The following RAD17 variants were observed in gnomAD, a reference collection of about 807,000 sequenced individuals.
RAD17 encodes cell cycle checkpoint protein RAD17.
In RAD17, 31 loss-of-function variants were observed where a neutral mutation model predicts 81.5. The ratio of observed to expected loss-of-function variants is 0.38; its 90% confidence interval spans 0.29 to 0.51. The LOEUF is 0.51. RAD17 is among the 20% of genes least tolerant of loss of function. The pLI is 0.88. For missense variants in RAD17, 681 were observed against 781.2 expected (o/e 0.87, Z 1.53); for synonymous variants, 261 against 266.2 (o/e 0.98, Z 0.19).
intron 3 of RAD17, among the ~76,000 whole-genome samples, chr5:69,371,779 A>G (rs1199187022): frequency 2.0e-5 from 3 of 152,202 alleles, no homozygotes; most frequent in African/African-American, 7.2e-5. Context: ...ACAAAGGCTG[A>G]AAACATTTGA....
chr5:69,410,719 A>G (rs1169974401), intron 18 of RAD17, among the ~76,000 whole-genome samples, 169 bp downstream of exon 18: 3 of 152,002 alleles, frequency 2.0e-5, no homozygotes, highest in Admixed American at 6.6e-5. Context: ...ATATAACAGC[A>G]TATCTTCACC....
intron 6 of RAD17, among the ~76,000 whole-genome samples, chr5:69,377,586 C>T (rs13177254): frequency 3.6e-4 from 2 of 5,514 alleles, no homozygotes; most frequent in Non-Finnish European, 6.8e-4. Flanking sequence ...TATATGTATA[C>T]ATATATATAT....
chr5:69,384,996 G>A, intron 8 of RAD17, 63 bp downstream of exon 8: 5 of 1,367,298 alleles, frequency 3.7e-6, no homozygotes, highest in Non-Finnish European at 4.8e-6. Context: ...CTGTGTCACT[G>A]TCACCCAGGC....
chr5:69,374,430 C>T (rs1763212555), intron 5 of RAD17, among the ~76,000 whole-genome samples, 198 bp from the exon 6 acceptor site: 1 of 152,108 alleles, frequency 6.6e-6, no homozygotes, highest in Non-Finnish European at 1.5e-5. Flanking sequence ...AATTATCATA[C>T]AGAGGTATCA....
At chr5:69,369,446 C>G, upstream of RAD17, 2 of 1,609,804 alleles carry the variant, frequency 1.2e-6, no homozygotes, top group East Asian at 2.2e-5. Context: ...CAGTCCCTCC[C>G]GGCCGCGCGC....
chr5:69,393,850 C>T (rs1014230765), intron 15 of RAD17, among the ~76,000 whole-genome samples: 10 of 148,440 alleles, frequency 6.7e-5, no homozygotes, highest in Non-Finnish European at 1.5e-4. Context: ...GGATTACAAG[C>T]GTGAGCCACC....
chr5:69,412,862 G>T (rs777234573), intron 18 of RAD17, among the ~76,000 whole-genome samples: 4 of 151,236 alleles, frequency 2.6e-5, no homozygotes, highest in African/African-American at 9.7e-5. Context: ...GGTGGTGCCC[G>T]CGTGTAATCC....
At chr5:69,410,441 T>G in intron 17 of RAD17, 52 bp from the exon 18 acceptor site, 1 of 1,434,646 alleles carries the variant, frequency 7.0e-7, no homozygotes, top group Non-Finnish European at 9.8e-7. Context: ...TATTGGCCAT[T>G]TGTATATTTT....
rs180831448 is a variant in RAD17 at position 69,389,727 on chromosome 5, G to A, written c.1006+582G>A. On this transcript the variant is annotated intron_variant, in intron 12 of 18. Coordinates refer to ENST00000354868, the MANE Select transcript of RAD17 (RefSeq NM_133338.3). ...ATGATCTTGGCTCACTGCAAGCTCCGCCTCCCAGGTTCACAGCATTCTCCT... is the reference window on the plus strand; with the variant it reads ...ATGATCTTGGCTCACTGCAAGCTCCACCTCCCAGGTTCACAGCATTCTCCT... Among the ~76,000 whole-genome samples, 486 of 152,232 alleles carry A rather than the reference G, an allele frequency of 3.2e-3. 3 individuals are homozygous for A. Among genetic ancestry groups the A allele is most frequent in the African/African-American group, 0.011 (453 of 41,528 alleles).
At chr5:69,391,204 T>C (rs1764533625) in intron 12 of RAD17, among the ~76,000 whole-genome samples, 2 of 145,790 alleles carry the variant, frequency 1.4e-5, no homozygotes, top group Non-Finnish European at 3.0e-5. Context: ...CACTCCAGCC[T>C]GGGCAACAGA....
rs757464348 is a variant in RAD17, at chr5:69,371,132, A to G, written c.-319A>G. The stretch of plus-strand genomic sequence containing the variant: ...AGGAAAACTTTAATTTTCAGTATAA[A>G]AATTGCTCAAATAGAATTGCCTGAT... On this transcript the variant is annotated 5_prime_UTR_variant, in exon 2 of 19. Transcript: ENST00000354868. 2.1e-6 allele frequency: 1 copy of G among 486,370 alleles called. No homozygotes were observed. The highest frequency in any genetic ancestry group is 1.6e-5 in the South Asian group (1 of 63,884). The allele number at this position is 486,370 out of a possible 1,614,324, so 30.1% of individuals were successfully genotyped here. A position where few individuals can be genotyped will look rare whatever the true frequency, so the allele number is the denominator to read the frequency against.
At chr5:69,405,233 G>A (rs1431519092) in intron 17 of RAD17, among the ~76,000 whole-genome samples, 2 of 152,268 alleles carry the variant, frequency 1.3e-5, no homozygotes, top group Admixed American at 1.3e-4. Flanking sequence ...GCCGGGCGCA[G>A]TGGCTCACGC....
At chr5:69,383,610 C>T (rs1390762863) in intron 7 of RAD17, among the ~76,000 whole-genome samples, 1 of 151,770 alleles carries the variant, frequency 6.6e-6, no homozygotes. Flanking sequence ...GAACCCCTGA[C>T]CTCAGGTGAT....
At chr5:69,388,454 A>G (rs1764349892) in intron 11 of RAD17, among the ~76,000 whole-genome samples, 1 of 152,340 alleles carries the variant, frequency 6.6e-6, no homozygotes, top group Middle Eastern at 3.4e-3. Context: ...AGTGAGAAAG[A>G]GTAAAAACTT....
rs955056174 is a variant in RAD17 at position 69,406,986 on chromosome 5, CTGTT to C, written c.1694-3503_1694-3500del. Among the ~76,000 whole-genome samples the C allele has an allele frequency of 2.0e-5, 3 of 146,718 alleles. No homozygotes were observed. In the Admixed American group the frequency reaches 2.1e-4, roughly 10 times the overall value. On this transcript the variant is annotated intron_variant, in intron 17 of 18. Coordinates refer to ENST00000354868, the MANE Select transcript of RAD17 (RefSeq NM_133338.3). ...ATTTTGTTTGTTAATTAAAATAACT[CTGTT>C]TGTAGTAGATTTTTTTTTTTTTTTT...
chr5:69,385,295 G>C (rs1580383619), intron 8 of RAD17, among the ~76,000 whole-genome samples: 1 of 121,544 alleles, frequency 8.2e-6, no homozygotes, highest in Non-Finnish European at 1.7e-5. Context: ...TTGAGACAGA[G>C]TCTCTCTTTA....
intron 18 of RAD17, among the ~76,000 whole-genome samples, chr5:69,413,800 G>A (rs540953185): frequency 6.6e-6 from 1 of 152,340 alleles, no homozygotes; most frequent in Non-Finnish European, 1.5e-5. Context: ...CTCCCACAGT[G>A]CAGATAGTAC....
chr5:69,382,420 G>A (rs1763913018), intron 7 of RAD17, among the ~76,000 whole-genome samples: 1 of 152,104 alleles, frequency 6.6e-6, no homozygotes, highest in Non-Finnish European at 1.5e-5. Context: ...GCTCCAGCCT[G>A]GGCAACAGAA....
At position 69,412,018 on chromosome 5, in the gene RAD17, A is replaced by G. The variant is rs555611834; in HGVS notation, c.1751+1468A>G. Among the ~76,000 whole-genome samples, 12 of 152,008 alleles carry G rather than the reference A, an allele frequency of 7.9e-5. No homozygotes were observed. In the South Asian group the frequency reaches 2.5e-3, roughly 32 times the overall value. On this transcript the variant is annotated intron_variant, in intron 18 of 18. Transcript: ENST00000354868. ...ATCGCCCAGGCTGGAGTGCAGTAGCACGATCTCGGCTCACTGCAAGCTCCA... is the reference window on the plus strand; with the variant it reads ...ATCGCCCAGGCTGGAGTGCAGTAGCGCGATCTCGGCTCACTGCAAGCTCCA...
Sources: gnomAD v4.1 joint callset for allele counts (sites outside exome capture counted in the v4.1 genomes callset) on GRCh38, gnomAD v4.1.1 for gene constraint, MANE v1.5 for transcripts, NCBI Gene and HGNC (gene_info 2026-07-23, HGNC 2026-07-21) for gene names.